Variants in CDH4 observed in about 807,000 individuals in gnomAD.
CDH4 encodes cadherin 4.
CDH4 carries 33 observed loss-of-function variants against 86.0 expected under a neutral mutation model. The observed-to-expected ratio is 0.38, with a 90% CI of 0.29 to 0.51. The LOEUF (loss-of-function observed/expected upper bound fraction) is 0.51, where lower values mean the gene tolerates loss of function less well. Among genes scored for constraint, CDH4 ranks in the 20% least tolerant of loss-of-function variants. The pLI is 0.86. For synonymous variants in CDH4, 555 were observed against 549.4 expected (o/e 1.01, Z -0.14); for missense variants, 1,114 against 1,307.4 (o/e 0.85, Z 2.28).
chr20:61,592,991 G>A (rs1448867079), intron 2 of CDH4, among the ~76,000 whole-genome samples: 1 of 152,150 alleles, frequency 6.6e-6, no homozygotes, highest in Non-Finnish European at 1.5e-5. Context: ...CACTCACAGG[G>A]TCCTTATAGG....
chr20:61,806,875 C>A (rs1282556243), intron 4 of CDH4, among the ~76,000 whole-genome samples: 1 of 152,132 alleles, frequency 6.6e-6, no homozygotes, highest in Admixed American at 6.5e-5. Flanking sequence ...CTGTCTCCTG[C>A]TGGGGAGGGG....
At chr20:61,499,756 G>A (rs1198983083) in intron 2 of CDH4, among the ~76,000 whole-genome samples, 1 of 152,114 alleles carries the variant, frequency 6.6e-6, no homozygotes, top group Non-Finnish European at 1.5e-5. Context: ...CCAGGAACAG[G>A]GCTTATGAGC....
chr20:61,280,002 C>T (rs372607609), intron 2 of CDH4, among the ~76,000 whole-genome samples: 50 of 152,250 alleles, frequency 3.3e-4, no homozygotes, highest in African/African-American at 1.2e-3. Flanking sequence ...TTAGCTGACT[C>T]CATCGGTGGG....
intron 9 of CDH4, among the ~76,000 whole-genome samples, chr20:61,921,411 C>G (rs1051005315): frequency 9.8e-5 from 15 of 152,364 alleles, no homozygotes; most frequent in African/African-American, 3.6e-4. Flanking sequence ...AATTACCAGA[C>G]CTCATGATCC....
At chr20:61,652,135 A>G (rs1447687304) in intron 2 of CDH4, among the ~76,000 whole-genome samples, 1 of 152,230 alleles carries the variant, frequency 6.6e-6, no homozygotes, top group Non-Finnish European at 1.5e-5. Flanking sequence ...AGCGCTTTTA[A>G]TGTCACCGTC....
chr20:61,535,360 C>T (rs895359084), intron 2 of CDH4, among the ~76,000 whole-genome samples: 2 of 152,156 alleles, frequency 1.3e-5, no homozygotes, highest in African/African-American at 4.8e-5. Flanking sequence ...GGCTCAGCCT[C>T]GTGGGCACGG....
chr20:61,765,235 A>T (rs1351608356), intron 3 of CDH4, among the ~76,000 whole-genome samples: 2 of 146,256 alleles, frequency 1.4e-5, no homozygotes, highest in Non-Finnish European at 3.0e-5. Context: ...AGGGGTCCCG[A>T]GGATGGACCT....
At chr20:61,904,586 C>T (rs868716575) in intron 8 of CDH4, among the ~76,000 whole-genome samples, 12 of 152,214 alleles carry the variant, frequency 7.9e-5, no homozygotes, top group African/African-American at 2.7e-4. Flanking sequence ...AGGTGGGCAC[C>T]GACCCTGTAC....
chr20:61,545,321 T>C (rs562794344), intron 2 of CDH4, among the ~76,000 whole-genome samples: 17 of 152,374 alleles, frequency 1.1e-4, no homozygotes, highest in Non-Finnish European at 1.9e-4. Context: ...GTAAATTCCA[T>C]GCAACGTCAA....
At position 61,452,037 on chromosome 20, in the gene CDH4, C is replaced by T. The variant is rs532611003; in HGVS notation, c.169+197100C>T. On this transcript the variant is annotated intron_variant, in intron 2 of 15. Coordinates refer to ENST00000614565, the MANE Select transcript of CDH4 (RefSeq NM_001794.5). ...GTCCTTCAGAAAACGGCTGTGGCCCCTTCCTGAGAACCTGGAGCATTCGCG... is the reference window on the plus strand; with the variant it reads ...GTCCTTCAGAAAACGGCTGTGGCCCTTTCCTGAGAACCTGGAGCATTCGCG... Among the ~76,000 whole-genome samples the T allele has an allele frequency of 7.9e-5, 12 of 152,366 alleles. No homozygotes were observed. In the East Asian group the frequency reaches 2.1e-3, roughly 27 times the overall value.
intron 2 of CDH4, among the ~76,000 whole-genome samples, chr20:61,398,943 G>A (rs926996779): frequency 1.2e-4 from 18 of 152,152 alleles, no homozygotes; most frequent in African/African-American, 4.3e-4. Flanking sequence ...TTCAGATTGT[G>A]CAGCCTCTGG....
intron 2 of CDH4, among the ~76,000 whole-genome samples, chr20:61,364,736 A>G (rs1271976895): frequency 6.6e-5 from 10 of 152,222 alleles, no homozygotes; most frequent in Admixed American, 6.5e-4. Flanking sequence ...ATGAACATTA[A>G]AAGTAGTGAA....
intron 2 of CDH4, among the ~76,000 whole-genome samples, chr20:61,420,863 A>G (rs937031701): frequency 2.6e-5 from 4 of 152,234 alleles, no homozygotes; most frequent in African/African-American, 9.6e-5. Flanking sequence ...GTGTCCACGC[A>G]CAGTGCACTG....
At chr20:61,267,616 A>G (rs2084163892) in intron 2 of CDH4, among the ~76,000 whole-genome samples, 1 of 152,224 alleles carries the variant, frequency 6.6e-6, no homozygotes, top group African/African-American at 2.4e-5. Context: ...ATCTTCCTCT[A>G]TCAAATGGAA....
intron 2 of CDH4, among the ~76,000 whole-genome samples, chr20:61,595,826 G>A (rs1427576145): frequency 6.6e-6 from 1 of 152,222 alleles, no homozygotes; most frequent in Non-Finnish European, 1.5e-5. Flanking sequence ...AACTATCAGG[G>A]ACCAGGCTCC....
intron 2 of CDH4, among the ~76,000 whole-genome samples, chr20:61,658,267 G>A (rs1333853435): frequency 6.6e-6 from 1 of 151,824 alleles, no homozygotes; most frequent in Non-Finnish European, 1.5e-5. Context: ...TGCAACCCCC[G>A]AGTCACCATC....
intron 2 of CDH4, among the ~76,000 whole-genome samples, chr20:61,552,567 G>A (rs115135225): frequency 0.018 from 2,690 of 152,248 alleles, 69 homozygotes; most frequent in African/African-American, 0.061. Flanking sequence ...GGGCGTGGTA[G>A]GACATACCTG....
intron 2 of CDH4, among the ~76,000 whole-genome samples, chr20:61,511,611 G>A (rs567300164): frequency 1.1e-4 from 17 of 152,294 alleles, no homozygotes; most frequent in African/African-American, 4.1e-4. Context: ...AAATATGCTC[G>A]TGAATCATAA....
intron 3 of CDH4, among the ~76,000 whole-genome samples, chr20:61,752,952 A>G (rs1413647142): frequency 6.6e-6 from 1 of 152,184 alleles, no homozygotes; most frequent in Non-Finnish European, 1.5e-5. Context: ...TCATTCTGCC[A>G]TCATTTTTTT....
Sources: allele counts gnomAD v4.1 joint callset (sites outside exome capture counted in the v4.1 genomes callset), GRCh38; gene constraint gnomAD v4.1.1; transcripts MANE v1.5; gene names NCBI Gene and HGNC (gene_info 2026-07-23, HGNC 2026-07-21).